Variants in FMN1 observed in about 807,000 individuals in gnomAD.
FMN1 encodes the protein formin 1.
A neutral mutation model predicts 132.4 loss-of-function variants in FMN1; 110 were observed. That is an observed-to-expected ratio of 0.83 (90% confidence interval 0.71 to 0.97). The LOEUF (loss-of-function observed/expected upper bound fraction) is 0.97. Ranked by LOEUF, FMN1 falls within the 50% of genes least tolerant of loss-of-function variation. FMN1 has a pLI of 0.00. For synonymous variants in FMN1, 722 were observed against 651.7 expected, an observed-to-expected ratio of 1.11 and a Z score of -1.64; for missense variants, 1,792 against 1,705.3, an observed-to-expected ratio of 1.05 and a Z score of -0.90.
chr15:33,085,435 A>C (rs1184260928), intron 5 of FMN1, among the ~76,000 whole-genome samples: 2 of 152,002 alleles, frequency 1.3e-5, no homozygotes, highest in Non-Finnish European at 2.9e-5. Context: ...AAACTATTTT[A>C]GTTTTATAAT....
At chr15:32,786,815 A>C (rs2056895047) in intron 19 of FMN1, among the ~76,000 whole-genome samples, 1 of 152,192 alleles carries the variant, frequency 6.6e-6, no homozygotes, top group Non-Finnish European at 1.5e-5. Flanking sequence ...CATCCCTCCA[A>C]CCACTGCCTG....
At chr15:32,961,701 A>G (rs1007154380) in intron 9 of FMN1, among the ~76,000 whole-genome samples, 1 of 152,120 alleles carries the variant, frequency 6.6e-6, no homozygotes, top group Non-Finnish European at 1.5e-5. Context: ...AGCCTGATAC[A>G]TGGATTACCC....
At chr15:33,039,644 C>T (rs2141111026) in intron 6 of FMN1, among the ~76,000 whole-genome samples, 1 of 152,264 alleles carries the variant, frequency 6.6e-6, no homozygotes, top group East Asian at 1.9e-4. Flanking sequence ...AGTGTAAATT[C>T]AAATTATCTC....
intron 5 of FMN1, among the ~76,000 whole-genome samples, chr15:33,068,596 A>T (rs2037857490): frequency 6.6e-6 from 1 of 151,724 alleles, no homozygotes. Context: ...AAGTGCCTAG[A>T]ACTCTCAAAG....
rs1033747175 is a variant in FMN1, at chr15:32,771,126, T to G, written c.*3184A>C. ...AACGGAGTCTCACTGTCGCCCAGGC[T>G]GGAGTGCAGTGGTGCTATCTCGGCT... On this transcript the variant is annotated 3_prime_UTR_variant, in exon 21 of 21. Coordinates refer to ENST00000616417, the MANE Select transcript of FMN1 (RefSeq NM_001277313.2). 2 of 151,014 alleles carry G rather than the reference T, an allele frequency of 1.3e-5. No homozygotes were observed. Among genetic ancestry groups the G allele is most frequent in the Non-Finnish European group, 2.9e-5 (2 of 67,846 alleles). The allele number at this position is 151,014 out of a possible 1,614,324, so 9.4% of individuals were successfully genotyped here. A position where few individuals can be genotyped will look rare whatever the true frequency, so the allele number is the denominator to read the frequency against.
intron 7 of FMN1, among the ~76,000 whole-genome samples, chr15:32,988,059 T>G (rs1008104938): frequency 6.7e-5 from 10 of 150,304 alleles, no homozygotes; most frequent in African/African-American, 2.4e-4. Flanking sequence ...GTTTTTTTTT[T>G]TTTTTTTTTT....
At chr15:33,110,194 A>T (rs1050747593) in intron 4 of FMN1, among the ~76,000 whole-genome samples, 4 of 152,124 alleles carry the variant, frequency 2.6e-5, no homozygotes, top group Non-Finnish European at 5.9e-5. Context: ...AATACCTGTC[A>T]GATTATTAGG....
chr15:33,071,700 G>A (rs369437448), intron 5 of FMN1, among the ~76,000 whole-genome samples: 1 of 151,792 alleles, frequency 6.6e-6, no homozygotes, highest in African/African-American at 2.4e-5. Context: ...AAGATTCAAA[G>A]AGATCTTTTA....
At chr15:33,002,297 CAAT>C (rs533956684) in intron 7 of FMN1, among the ~76,000 whole-genome samples, 4 of 152,164 alleles carry the variant, frequency 2.6e-5, no homozygotes, top group Non-Finnish European at 4.4e-5. Flanking sequence ...GAAAATCTAA[CAAT>C]GATAGCTGCC....
rs149753132 is a variant in FMN1, at chr15:33,102,744, G to T, written c.1868-13770C>A. Among the ~76,000 whole-genome samples, 334 of 152,208 alleles carry T rather than the reference G, an allele frequency of 2.2e-3. 6 individuals carry two copies. The highest frequency in any genetic ancestry group is 0.017 in the East Asian group (86 of 5,178). Reference sequence around the variant, plus strand: ...CCTTTCATAAACCTCCTAAAGTTGGGAGACAGATTATGGAAACATTGACTG... The same window carrying T: ...CCTTTCATAAACCTCCTAAAGTTGGTAGACAGATTATGGAAACATTGACTG... On this transcript the variant is annotated intron_variant, in intron 4 of 20. Coordinates refer to ENST00000616417, the MANE Select transcript of FMN1 (RefSeq NM_001277313.2).
intron 8 of FMN1, among the ~76,000 whole-genome samples, chr15:32,965,128 T>C (rs1014431403): frequency 6.6e-6 from 1 of 152,178 alleles, no homozygotes; most frequent in African/African-American, 2.4e-5. Flanking sequence ...TCAGGCATGG[T>C]AGCTCACACC....
chr15:32,876,571 A>G (rs961194781), intron 16 of FMN1, among the ~76,000 whole-genome samples: 1 of 152,172 alleles, frequency 6.6e-6, no homozygotes, highest in African/African-American at 2.4e-5. Flanking sequence ...CTATATGAGA[A>G]CTCTCTACTC....
chr15:32,887,577 C>G (rs1318273499), intron 16 of FMN1, among the ~76,000 whole-genome samples: 1 of 152,120 alleles, frequency 6.6e-6, no homozygotes, highest in Non-Finnish European at 1.5e-5. Context: ...CATTATTAGA[C>G]TCATATATAA....
intron 11 of FMN1, among the ~76,000 whole-genome samples, chr15:32,909,810 TTA>T (rs2060512429): frequency 6.6e-6 from 1 of 152,162 alleles, no homozygotes. Flanking sequence ...ATCAAAAACC[TTA>T]TATGTGTACA....
At chr15:32,934,860 G>A (rs1019580058) in intron 9 of FMN1, among the ~76,000 whole-genome samples, 3 of 150,886 alleles carry the variant, frequency 2.0e-5, no homozygotes, top group Admixed American at 6.6e-5. Flanking sequence ...ACCCGCCTCG[G>A]CCTCTCAAAG....
intron 9 of FMN1, among the ~76,000 whole-genome samples, chr15:32,934,822 G>T (rs1370613767): frequency 6.6e-6 from 1 of 151,652 alleles, no homozygotes; most frequent in African/African-American, 2.4e-5. Context: ...GGCCAGGCTG[G>T]TCTCAAACTC....
intron 4 of FMN1, among the ~76,000 whole-genome samples, chr15:33,098,913 T>A (rs895260242): frequency 6.6e-6 from 1 of 152,150 alleles, no homozygotes; most frequent in Non-Finnish European, 1.5e-5. Context: ...CACAAGCCCA[T>A]GCTTGTTTTC....
intron 5 of FMN1, among the ~76,000 whole-genome samples, chr15:33,082,017 A>AGGGGG (rs200000722): frequency 5.3e-5 from 6 of 113,136 alleles, no homozygotes; most frequent in African/African-American, 2.6e-4. Context: ...AGAAGAGTTC[A>AGGGGG]GGGGTGTGTG....
At chr15:32,816,385 T>C (rs1423168435) in intron 17 of FMN1, among the ~76,000 whole-genome samples, 2 of 152,206 alleles carry the variant, frequency 1.3e-5, no homozygotes, top group African/African-American at 4.8e-5. Flanking sequence ...GTTATCAAAA[T>C]ATTGAATCCA....
Sources: allele counts gnomAD v4.1 joint callset (sites outside exome capture counted in the v4.1 genomes callset), GRCh38; gene constraint gnomAD v4.1.1; transcripts MANE v1.5; gene names NCBI Gene and HGNC (gene_info 2026-07-23, HGNC 2026-07-21).